Variants in CTNND2 observed in about 807,000 individuals in gnomAD.
CTNND2 encodes catenin delta 2.
Under a neutral mutation model 144.4 loss-of-function variants are expected in CTNND2, and 22 were observed. The observed-to-expected ratio is 0.15, with a 90% CI of 0.11 to 0.22. The LOEUF is 0.22. Ranked by LOEUF, CTNND2 falls within the 10% of genes least tolerant of loss-of-function variation. CTNND2 has a pLI of 1.00. For missense variants in CTNND2, 1,353 were observed against 1,618.8 expected, an observed-to-expected ratio of 0.84 and a Z score of 2.82; for synonymous variants, 751 against 695.6, an observed-to-expected ratio of 1.08 and a Z score of -1.25.
At chr5:11,199,168 A>G (rs1737173345) in intron 11 of CTNND2, among the ~76,000 whole-genome samples, 1 of 152,210 alleles carries the variant, frequency 6.6e-6, no homozygotes, top group Non-Finnish European at 1.5e-5. Context: ...AGCCCTGGGT[A>G]TTGTACGATG....
intron 10 of CTNND2, among the ~76,000 whole-genome samples, chr5:11,226,853 T>A (rs2149876973): frequency 6.6e-6 from 1 of 152,306 alleles, no homozygotes; most frequent in African/African-American, 2.4e-5. Flanking sequence ...ATTATTGAGG[T>A]CAAAAACAGA....
rs1561075120 is a variant in CTNND2 at position 11,240,383 on chromosome 5, C to CGCTCAAACACACACCCA, written c.1629-3561_1629-3560insTGGGTGTGTGTTTGAGC. ...TTCACACACACCCAACACACACATACACTCACACACCCAACACACACACCC... is the reference window on the plus strand; with the variant it reads ...TTCACACACACCCAACACACACATACGCTCAAACACACACCCAACTCACACACCCAACACACACACCC... On this transcript the variant is annotated intron_variant, in intron 9 of 21. Transcript: ENST00000304623. Among the ~76,000 whole-genome samples, 9 of 22,114 alleles carry CGCTCAAACACACACCCA rather than the reference C, an allele frequency of 4.1e-4. 1 individual carries two copies. The South Asian group carries it at 0.019, about 47-fold the overall frequency. The allele number at this position is 22,114 out of a possible 152,430, so 14.5% of individuals were successfully genotyped here.
At chr5:11,586,861 T>C (rs1778900797) in intron 2 of CTNND2, among the ~76,000 whole-genome samples, 1 of 152,156 alleles carries the variant, frequency 6.6e-6, no homozygotes, top group Non-Finnish European at 1.5e-5. Context: ...TGTTTGACTC[T>C]CTGCTTTTGT....
At chr5:11,129,928 T>C (rs947846066) in intron 12 of CTNND2, among the ~76,000 whole-genome samples, 2 of 152,178 alleles carry the variant, frequency 1.3e-5, no homozygotes, top group African/African-American at 4.8e-5. Context: ...TAAATTTACT[T>C]GAAAAGCTCT....
chr5:11,166,891 G>C (rs776958528), intron 11 of CTNND2, among the ~76,000 whole-genome samples: 11 of 152,098 alleles, frequency 7.2e-5, no homozygotes, highest in Non-Finnish European at 1.5e-4. Context: ...CACACTCACT[G>C]AATGCTTTTA....
intron 9 of CTNND2, among the ~76,000 whole-genome samples, chr5:11,302,672 C>T (rs1053838965): frequency 6.6e-6 from 1 of 152,152 alleles, no homozygotes; most frequent in Non-Finnish European, 1.5e-5. Context: ...GAGAAGAAAC[C>T]ATGCTGAGGA....
Position 11,296,765 on chromosome 5 carries a change from T to C in CTNND2, c.1628+49607A>G, listed in dbSNP as rs184795731. On this transcript the variant is annotated intron_variant, in intron 9 of 21. Coordinates refer to ENST00000304623, the MANE Select transcript of CTNND2 (RefSeq NM_001332.4). ...AGCAAACTCTGCATGTTCTCACTCA[T>C]AGGTGGGAATTGAACAATGAGAACA... is the stretch of plus-strand genomic sequence containing the variant. Among the ~76,000 whole-genome samples, 230 of 151,920 alleles carry C rather than the reference T, an allele frequency of 1.5e-3. 1 individual carries two copies. Among genetic ancestry groups the C allele is most frequent in the African/African-American group, 5.4e-3 (225 of 41,460 alleles).
rs1379507635 is a variant in CTNND2 at position 11,181,903 on chromosome 5, ATGTGTGGTGTGTG to A, written c.1975+17532_1975+17544del. 6.1e-3 allele frequency among the ~76,000 whole-genome samples: 676 copies of A among 111,322 alleles called. 8 individuals carry two copies. Among genetic ancestry groups the A allele is most frequent in the African/African-American group, 0.022 (623 of 28,488 alleles). 73.0% of individuals were successfully genotyped at this position (111,322 alleles called of 152,430 possible). A position where few individuals can be genotyped will look rare whatever the true frequency, so the allele number is the denominator to read the frequency against. Reference sequence around the variant, plus strand: ...GTGTGCATGGATGTGTGTGGTGTGTATGTGTGGTGTGTGTGGAGGCTATGTGTGTGGTGTGTGT... The same window carrying A: ...GTGTGCATGGATGTGTGTGGTGTGTATGGAGGCTATGTGTGTGGTGTGTGT... On this transcript the variant is annotated intron_variant, in intron 11 of 21. Transcript: ENST00000304623.
chr5:11,426,747 G>GA (rs1762816228), intron 3 of CTNND2, among the ~76,000 whole-genome samples: 1 of 152,162 alleles, frequency 6.6e-6, no homozygotes, highest in Non-Finnish European at 1.5e-5. Flanking sequence ...ATGACCTTCT[G>GA]AAAAACATGA....
intron 7 of CTNND2, among the ~76,000 whole-genome samples, chr5:11,369,943 G>A (rs1757314629): frequency 6.6e-6 from 1 of 152,180 alleles, no homozygotes; most frequent in Non-Finnish European, 1.5e-5. Context: ...ATACACAGAA[G>A]TGATTTTATG....
chr5:11,454,447 A>T (rs1036657269), intron 3 of CTNND2, among the ~76,000 whole-genome samples: 4 of 152,124 alleles, frequency 2.6e-5, no homozygotes, highest in African/African-American at 9.7e-5. Flanking sequence ...AATAATAAAA[A>T]ATTAAATTCA....
chr5:11,225,990 A>G (rs559487645), intron 10 of CTNND2, among the ~76,000 whole-genome samples: 3 of 152,336 alleles, frequency 2.0e-5, no homozygotes, highest in Admixed American at 1.3e-4. Context: ...GATTAGAGAT[A>G]AAGCCAAAGA....
At chr5:11,745,308 G>A (rs1459024424) in intron 1 of CTNND2, among the ~76,000 whole-genome samples, 2 of 151,944 alleles carry the variant, frequency 1.3e-5, no homozygotes, top group Non-Finnish European at 1.5e-5. Context: ...TGCGCCCTTC[G>A]TGGGATACTA....
At chr5:11,641,770 A>G (rs192773289) in intron 2 of CTNND2, among the ~76,000 whole-genome samples, 4 of 144,806 alleles carry the variant, frequency 2.8e-5, no homozygotes, top group South Asian at 2.2e-4. Context: ...ACATATACGT[A>G]TATGTATGTA....
At chr5:11,581,719 A>T (rs7715736) in intron 2 of CTNND2, among the ~76,000 whole-genome samples, 59,956 of 152,038 alleles carry the variant, frequency 0.39, 12,971 homozygotes, top group Middle Eastern at 0.56. Flanking sequence ...TCAAGACAGG[A>T]CAAGGATAAA....
At chr5:11,595,422 C>T (rs571400087) in intron 2 of CTNND2, among the ~76,000 whole-genome samples, 170 of 152,218 alleles carry the variant, frequency 1.1e-3, no homozygotes, top group African/African-American at 2.1e-3. Context: ...AGTGTAAATT[C>T]GAAGTCTGTA....
At chr5:11,674,390 G>C (rs988561047) in intron 2 of CTNND2, among the ~76,000 whole-genome samples, 7 of 152,100 alleles carry the variant, frequency 4.6e-5, no homozygotes, top group African/African-American at 1.7e-4. Context: ...TAGGTTCACA[G>C]CAAAGCTAAA....
intron 3 of CTNND2, among the ~76,000 whole-genome samples, chr5:11,499,987 A>AT (rs1176867543): frequency 6.6e-6 from 1 of 151,850 alleles, no homozygotes; most frequent in Admixed American, 6.6e-5. Flanking sequence ...AGTGATCTTT[A>AT]TTTTTTGCTC....
chr5:11,343,279 A>G (rs1561249130), intron 9 of CTNND2, among the ~76,000 whole-genome samples: 2 of 152,232 alleles, frequency 1.3e-5, no homozygotes, highest in Admixed American at 6.5e-5. Flanking sequence ...CCATGACTTC[A>G]AATTATTATT....
Sources: gnomAD v4.1 joint callset for allele counts (sites outside exome capture counted in the v4.1 genomes callset) on GRCh38, gnomAD v4.1.1 for gene constraint, MANE v1.5 for transcripts, NCBI Gene and HGNC (gene_info 2026-07-23, HGNC 2026-07-21) for gene names.